PLXNA1: variants seen among roughly 807,000 people sequenced by gnomAD.
PLXNA1 encodes the protein plexin A1.
Under a neutral mutation model 191.7 loss-of-function variants are expected in PLXNA1, and 77 were observed. The observed-to-expected ratio is 0.40, with a 90% CI of 0.33 to 0.49. The LOEUF is 0.49. PLXNA1 is among the 20% of genes least tolerant of loss of function. The pLI is 0.63. For synonymous variants in PLXNA1, 1,137 were observed against 1,156.4 expected (o/e 0.98, Z 0.34); for missense variants, 2,110 against 2,660.2 (o/e 0.79, Z 4.55).
chr3:127,029,134 T>C, intron 26 of PLXNA1, 38 bp downstream of exon 26: 1 of 1,505,512 alleles, frequency 6.6e-7, no homozygotes, highest in Non-Finnish European at 9.2e-7. Flanking sequence ...CAGGCCTCCC[T>C]CCCCTTGGGG....
At chr3:127,016,374 GA>G in intron 15 of PLXNA1, 142 bp from the exon 16 acceptor site, 1 of 704,526 alleles carries the variant, frequency 1.4e-6, no homozygotes, top group Non-Finnish European at 2.4e-6. Flanking sequence ...CCCTGGGAGG[GA>G]AAGTAGCGGT....
intron 23 of PLXNA1, among the ~76,000 whole-genome samples, chr3:127,023,518 T>G (rs2079162248): frequency 6.6e-6 from 1 of 152,330 alleles, no homozygotes; most frequent in Admixed American, 6.5e-5. Context: ...CAGTGGTCCC[T>G]GTCGCTGCTC....
chr3:127,021,864 G>C (rs2079153419), intron 21 of PLXNA1, among the ~76,000 whole-genome samples: 1 of 152,250 alleles, frequency 6.6e-6, no homozygotes, highest in South Asian at 2.1e-4. Context: ...GCAACAGGCA[G>C]TGGTGGCAGC....
intron 2 of PLXNA1, among the ~76,000 whole-genome samples, chr3:126,990,042 C>T (rs949821423): frequency 2.6e-5 from 4 of 152,242 alleles, no homozygotes; most frequent in Non-Finnish European, 4.4e-5. Context: ...GGTGACGAGG[C>T]CCTGCTGGCA....
At chr3:127,030,172 C>T in intron 28 of PLXNA1, 71 bp from the exon 29 acceptor site, 2 of 1,591,014 alleles carry the variant, frequency 1.3e-6, no homozygotes, top group Non-Finnish European at 1.7e-6. Flanking sequence ...TGGCCACTTG[C>T]CTAGTCACCC....
chr3:126,989,565 G>T lies in PLXNA1; in HGVS notation c.972G>T (p.Leu324=), dbSNP rs376338024. The T allele has an allele frequency of 9.9e-6, 16 of 1,613,102 alleles. No homozygotes were observed. The African/African-American group carries it at 2.0e-4, about 20-fold the overall frequency. The change falls in exon 2 of 32, where the codon CTG becomes CTT. Residue 324 remains leucine, a synonymous_variant. Coordinates refer to ENST00000393409, the MANE Select transcript of PLXNA1 (RefSeq NM_032242.4). ...DAYLSRPGRA[L]AHQLGLAEDE... ...ACCTGAGCCGGCCCGGCCGTGCCCT[G>T]GCCCACCAGCTGGGCCTGGCTGAGG...
At position 127,016,952 on chromosome 3, in the gene PLXNA1, C is replaced by T. The variant is rs1187759124; in HGVS notation, c.3191C>T (p.Thr1064Ile). 1 of 1,612,920 alleles carries T rather than the reference C, an allele frequency of 6.2e-7. No individual in the cohort carries two copies. The highest frequency in any genetic ancestry group is 1.7e-5 in the Admixed American group (1 of 59,976). Residue 1064 changes from threonine (T) to isoleucine (I), a missense_variant, in exon 17 of 32, where the codon ACC becomes ATC. This residue lies in a region of PLXNA1 where 644 missense variants were observed against 714.3 expected (regional missense o/e 0.90). Coordinates refer to ENST00000393409, the MANE Select transcript of PLXNA1 (RefSeq NM_032242.4). The part of the protein sequence containing the change: ...DPEWSINSGG[T>I]LLTVTGTNLA... ...CCCCTGTCCTGTTCCAGCGGTGGGACCCTCCTGACGGTCACAGGCACCAAC... is the reference window on the plus strand; with the variant it reads ...CCCCTGTCCTGTTCCAGCGGTGGGATCCTCCTGACGGTCACAGGCACCAAC...
At chr3:126,994,606 C>T (rs1037961226) in intron 3 of PLXNA1, among the ~76,000 whole-genome samples, 4 of 152,162 alleles carry the variant, frequency 2.6e-5, no homozygotes, top group Non-Finnish European at 5.9e-5. Flanking sequence ...AGGCCTCTGG[C>T]CTTGCTCCAC....
rs1438041563 is a variant in PLXNA1, at chr3:127,020,315, G to A, written c.4009G>A (p.Glu1337Lys). Residue 1337 changes from glutamate (E) to lysine (K), a missense_variant, in exon 21 of 32, where the codon GAG becomes AAG. Coordinates refer to ENST00000393409, the MANE Select transcript of PLXNA1 (RefSeq NM_032242.4). Reference sequence around the variant, plus strand: ...CATGCGGGTGCTCTTTCCTGGGATCGAGGACCACCCTGTGCTCAAGGAGAT... The same window carrying A: ...CATGCGGGTGCTCTTTCCTGGGATCAAGGACCACCCTGTGCTCAAGGAGAT... ...YAMRVLFPGI[E>K]DHPVLKEMEV... is the part of the protein sequence containing the mutation. The A allele has an allele frequency of 3.7e-6, 6 of 1,613,010 alleles. No individual in the cohort carries two copies. Among genetic ancestry groups the A allele is most frequent in the East Asian group, 2.2e-5 (1 of 44,864 alleles).
At chr3:127,008,530 G>C (rs1057411963) in intron 9 of PLXNA1, among the ~76,000 whole-genome samples, 28 of 152,314 alleles carry the variant, frequency 1.8e-4, no homozygotes, top group Non-Finnish European at 3.8e-4. Flanking sequence ...CAGGACCCAG[G>C]GCCCACAGGT....
rs2079241739 is a variant in PLXNA1, at chr3:127,036,124, T to C, written c.*2107T>C. 1 of 152,740 alleles carries C rather than the reference T, an allele frequency of 6.5e-6. No homozygotes were observed. Among genetic ancestry groups the C allele is most frequent in the Non-Finnish European group, 1.5e-5 (1 of 68,122 alleles). The allele number at this position is 152,740 out of a possible 1,614,324, so 9.5% of individuals were successfully genotyped here. The stretch of plus-strand genomic sequence containing the variant: ...TTCCTGGGTGCGCCTCCACCTCCCT[T>C]CTGATGTTTCCTGGCTATGGTGGGG... On this transcript the variant is annotated 3_prime_UTR_variant, in exon 32 of 32. Coordinates refer to ENST00000393409, the MANE Select transcript of PLXNA1 (RefSeq NM_032242.4).
In PLXNA1 at chr3:127,017,908, G is replaced by C. The variant is rs575117474; in HGVS notation, c.3660+16G>C. ...CAAGGTCACGGTGCGTCTGTCCACC[G>C]GGGGTGCAGAGCTGGGAGAGCCATG... On this transcript the variant is annotated intron_variant, in intron 19 of 31. Transcript: ENST00000393409. 6.2e-7 allele frequency: 1 copy of C among 1,610,646 alleles called. No homozygotes were observed. Among genetic ancestry groups the C allele is most frequent in the African/African-American group, 1.3e-5 (1 of 74,894 alleles).
At position 127,035,273 on chromosome 3, in the gene PLXNA1, G is replaced by A. The variant is rs2079235208; in HGVS notation, c.*1256G>A. ...TATGTGGCTCTAGCCTCAGGCTCCA[G>A]CCCCAGTGGGGTACTGTACAGTTAA... On this transcript the variant is annotated 3_prime_UTR_variant, in exon 32 of 32. Coordinates refer to ENST00000393409, the MANE Select transcript of PLXNA1 (RefSeq NM_032242.4). 6.6e-6 allele frequency: 1 copy of A among 152,200 alleles called. No individual in the cohort carries two copies. The highest frequency in any genetic ancestry group is 1.5e-5 in the Non-Finnish European group (1 of 68,042). The allele number at this position is 152,200 out of a possible 1,614,324, so 9.4% of individuals were successfully genotyped here.
intron 3 of PLXNA1, among the ~76,000 whole-genome samples, chr3:127,000,957 G>A (rs1054278084): frequency 2.6e-5 from 4 of 152,202 alleles, no homozygotes; most frequent in African/African-American, 9.6e-5. Flanking sequence ...GGCCCAGCCT[G>A]TGTGTGTGAA....
At chr3:127,021,883 C>T (rs1004818742) in intron 21 of PLXNA1, among the ~76,000 whole-genome samples, 1 of 152,210 alleles carries the variant, frequency 6.6e-6, no homozygotes, top group Non-Finnish European at 1.5e-5. Flanking sequence ...GCACCCAGGT[C>T]GTGTCCATTT....
intron 9 of PLXNA1, among the ~76,000 whole-genome samples, chr3:127,008,989 G>C (rs186905570): frequency 6.6e-6 from 1 of 152,174 alleles, no homozygotes; most frequent in Non-Finnish European, 1.5e-5. Flanking sequence ...TTCTCTGGGG[G>C]TGCGGCCTGC....
intron 3 of PLXNA1, among the ~76,000 whole-genome samples, chr3:126,999,739 C>T (rs936419682): frequency 4.6e-5 from 7 of 152,122 alleles, no homozygotes; most frequent in Non-Finnish European, 8.8e-5. Context: ...CTGCATTGAG[C>T]CCTGCCTGCT....
chr3:127,014,183 G>T lies in PLXNA1; in HGVS notation c.2412G>T (p.Ala804=). 3 of 1,610,902 alleles carry T rather than the reference G, an allele frequency of 1.9e-6. No homozygotes were observed. The highest frequency in any genetic ancestry group is 2.5e-6 in the Non-Finnish European group (3 of 1,178,520). The stretch of plus-strand genomic sequence containing the variant: ...AGCTGACCGCACCCCTCCCCACAGC[G>T]CACCTCTACAAGTGCCCGGCCCTGC... ...FVIDNPQNIQ[A]HLYKCPALRE... is the part of the protein sequence containing the mutation. Residue 804 remains alanine, a splice_region_variant and synonymous_variant, in exon 12 of 32, where the codon GCG becomes GCT. Coordinates refer to ENST00000393409, the MANE Select transcript of PLXNA1 (RefSeq NM_032242.4).
intron 19 of PLXNA1, 62 bp downstream of exon 19, chr3:127,017,954 C>G: frequency 6.3e-7 from 1 of 1,590,040 alleles, no homozygotes; most frequent in Admixed American, 1.7e-5. Flanking sequence ...GGACCCTGCC[C>G]CACTAGCACA....
Sources: allele counts gnomAD v4.1 joint callset (sites outside exome capture counted in the v4.1 genomes callset), GRCh38; gene constraint gnomAD v4.1.1; regional missense constraint gnomAD v4.1.1; transcripts MANE v1.5; gene names NCBI Gene and HGNC (gene_info 2026-07-23, HGNC 2026-07-21).